ADAMTS2: variants seen among roughly 807,000 people sequenced by gnomAD.
ADAMTS2 encodes the protein A disintegrin and metalloproteinase with thrombospondin motifs 2.
A neutral mutation model predicts 123.0 loss-of-function variants in ADAMTS2; 50 were observed. The observed-to-expected ratio is 0.41, with a 90% CI of 0.32 to 0.51. The LOEUF (loss-of-function observed/expected upper bound fraction) is 0.51. ADAMTS2 is among the 20% of genes least tolerant of loss of function. The probability of loss-of-function intolerance (pLI) is 0.35; values close to 1 mark genes in which losing one functional copy is unlikely to be tolerated. For missense variants in ADAMTS2, 1,494 were observed against 1,705.2 expected, an observed-to-expected ratio of 0.88 and a Z score of 2.18; for synonymous variants, 678 against 695.4, an observed-to-expected ratio of 0.98 and a Z score of 0.39.
intron 3 of ADAMTS2, among the ~76,000 whole-genome samples, chr5:179,222,056 A>G (rs942062606): frequency 6.6e-6 from 1 of 152,012 alleles, no homozygotes; most frequent in Non-Finnish European, 1.5e-5. Context: ...CTGAGCCCAG[A>G]GGCCAGGCCA....
chr5:179,301,832 G>A (rs1756526647), intron 2 of ADAMTS2, among the ~76,000 whole-genome samples: 3 of 152,266 alleles, frequency 2.0e-5, no homozygotes, highest in Admixed American at 2.0e-4. Flanking sequence ...CATCCAGCGT[G>A]TGAAGAAGGA....
chr5:179,199,883 A>C (rs1011743355), intron 4 of ADAMTS2, among the ~76,000 whole-genome samples: 1 of 152,258 alleles, frequency 6.6e-6, no homozygotes, highest in African/African-American at 2.4e-5. Context: ...TTAAAGATGA[A>C]TAAGAAATTC....
At chr5:179,244,870 C>T (rs1036962224) in intron 3 of ADAMTS2, among the ~76,000 whole-genome samples, 1 of 152,128 alleles carries the variant, frequency 6.6e-6, no homozygotes, top group Non-Finnish European at 1.5e-5. Flanking sequence ...ATGTACTCTC[C>T]TCTCTTTTTT....
At position 179,344,621 on chromosome 5, in the gene ADAMTS2, G is replaced by A. The variant is rs57541751; in HGVS notation, c.140-460C>T. On this transcript the variant is annotated intron_variant, in intron 1 of 21. Coordinates refer to ENST00000251582, the MANE Select transcript of ADAMTS2 (RefSeq NM_014244.5). ...TGCCGCCCGAGTGCCCTCACCGCCA[G>A]CCTCCGGAGCGGCGGAGTCTCGGCT... Among the ~76,000 whole-genome samples, 757 of 152,348 alleles carry A rather than the reference G, an allele frequency of 5.0e-3. 3 individuals carry two copies. Among genetic ancestry groups the A allele is most frequent in the African/African-American group, 0.017 (720 of 41,584 alleles).
intron 3 of ADAMTS2, among the ~76,000 whole-genome samples, chr5:179,216,903 A>C (rs567321783): frequency 6.6e-6 from 1 of 152,362 alleles, no homozygotes; most frequent in South Asian, 2.1e-4. Flanking sequence ...GGCACTACTG[A>C]GGGGATCATG....
At chr5:179,209,562 G>GCA (rs1334725355) in intron 3 of ADAMTS2, among the ~76,000 whole-genome samples, 37 of 112,790 alleles carry the variant, frequency 3.3e-4, no homozygotes, top group African/African-American at 1.1e-3. Flanking sequence ...ACACACACAA[G>GCA]CACACACATG....
Position 179,113,928 on chromosome 5 carries a change from T to C in ADAMTS2, c.3575A>G (p.Asn1192Ser), listed in dbSNP as rs2113160848. The C allele has an allele frequency of 1.2e-6, 2 of 1,614,138 alleles. No homozygotes were observed. The highest frequency in any genetic ancestry group is 1.7e-6 in the Non-Finnish European group (2 of 1,180,028). The stretch of plus-strand genomic sequence containing the variant: ...ATCAATGAGCTCTTGGATTCTTTGG[T>C]TTCTGGTCTTTTCATAGGGGCTCGG... ...RRPSPYEKTR[N>S]QRIQELIDEM... The change falls in exon 22 of 22, where the codon AAC (asparagine) becomes AGC (serine). Residue 1192 changes from asparagine (N) to serine (S), a missense_variant. By Grantham distance (46) the Asn-to-Ser change is conservative. Transcript: ENST00000251582.
chr5:179,265,853 C>T (rs1766355075), intron 3 of ADAMTS2, among the ~76,000 whole-genome samples: 1 of 152,250 alleles, frequency 6.6e-6, no homozygotes, highest in African/African-American at 2.4e-5. Context: ...GTTTCACAAT[C>T]AGTGCTTCTC....
At chr5:179,192,916 G>A (rs956966280) in intron 4 of ADAMTS2, among the ~76,000 whole-genome samples, 4 of 152,156 alleles carry the variant, frequency 2.6e-5, no homozygotes, top group African/African-American at 7.2e-5. Flanking sequence ...CAGTACTCCC[G>A]TGTTTCCCCA....
intron 13 of ADAMTS2, among the ~76,000 whole-genome samples, chr5:179,134,033 T>C (rs1763011184): frequency 6.6e-6 from 1 of 152,260 alleles, no homozygotes; most frequent in South Asian, 2.1e-4. Flanking sequence ...TTAATACCCA[T>C]GTCAGGAGTG....
chr5:179,322,936 G>A (rs1757227114), intron 2 of ADAMTS2, among the ~76,000 whole-genome samples: 1 of 152,252 alleles, frequency 6.6e-6, no homozygotes, highest in Non-Finnish European at 1.5e-5. Context: ...TGAGCACGGT[G>A]TGGAAGCAGG....
At chr5:179,335,213 TA>T (rs59150133) in intron 2 of ADAMTS2, among the ~76,000 whole-genome samples, 6,443 of 149,856 alleles carry the variant, frequency 0.043, 142 homozygotes, top group African/African-American at 0.061. Flanking sequence ...GCCATGTTTT[TA>T]AAAAAAAAAG....
Position 179,202,006 on chromosome 5 carries a change from GC to G in ADAMTS2, c.891+5506del, listed in dbSNP as rs1000851328. Among the ~76,000 whole-genome samples the G allele has an allele frequency of 4.6e-5, 7 of 152,152 alleles. 1 individual carries two copies. Among genetic ancestry groups the G allele is most frequent in the African/African-American group, 1.7e-4 (7 of 41,436 alleles). On this transcript the variant is annotated intron_variant, in intron 4 of 21. Coordinates refer to ENST00000251582, the MANE Select transcript of ADAMTS2 (RefSeq NM_014244.5). The surrounding 1 kb of genome is among the most constrained non-coding windows in gnomAD (Gnocchi z 4.0). ...GCCTCATGAAGTGCTCCATTTCCAA[GC>G]CGCTTCCCTTCTGGCAAGTCTGAGA...
rs141280586 is a variant in ADAMTS2 at position 179,245,280 on chromosome 5, C to T, written c.688+27631G>A. Among the ~76,000 whole-genome samples the T allele has an allele frequency of 5.7e-3, 867 of 151,422 alleles. 11 individuals carry two copies. Among genetic ancestry groups the T allele is most frequent in the African/African-American group, 0.02 (830 of 40,704 alleles). On this transcript the variant is annotated intron_variant, in intron 3 of 21. Coordinates refer to ENST00000251582, the MANE Select transcript of ADAMTS2 (RefSeq NM_014244.5). ...AACTGGAAAGGGCAAGGAAACAGATCCTCCCCGGAGGAGGACCCAGAAGGA... is the reference window on the plus strand; with the variant it reads ...AACTGGAAAGGGCAAGGAAACAGATTCTCCCCGGAGGAGGACCCAGAAGGA...
chr5:179,206,805 T>C (rs146237443), intron 4 of ADAMTS2, among the ~76,000 whole-genome samples: 1 of 152,022 alleles, frequency 6.6e-6, no homozygotes, highest in East Asian at 1.9e-4. Context: ...CCTGCTTAGG[T>C]TGTTGGGGGT....
At position 179,181,001 on chromosome 5, in the gene ADAMTS2, C is replaced by T. The variant is rs1764034649; in HGVS notation, c.975+71G>A. 1 of 1,206,630 alleles carries T rather than the reference C, an allele frequency of 8.3e-7. No homozygotes were observed. The highest frequency in any genetic ancestry group is 1.2e-6 in the Non-Finnish European group (1 of 812,964). 74.7% of individuals were successfully genotyped at this position (1,206,630 alleles called of 1,614,324 possible). A position where few individuals can be genotyped will look rare whatever the true frequency, so the allele number is the denominator to read the frequency against. On this transcript the variant is annotated intron_variant, in intron 5 of 21. Transcript: ENST00000251582. The surrounding 1 kb of genome is among the most constrained non-coding windows in gnomAD (Gnocchi z 4.1). ...CAAACGCACACACTCTCCAAGGAGG[C>T]CCATGCCTCACTCCCAGGCCCCTCA...
chr5:179,121,712 G>C lies in ADAMTS2; in HGVS notation c.3127C>G (p.Gln1043Glu). ...TCGGGGTCCGGGCGGGACAGCCACTGAACTACGTAGCTCTTCTTGGAGGGA... is the reference window on the plus strand; with the variant it reads ...TCGGGGTCCGGGCGGGACAGCCACTCAACTACGTAGCTCTTCTTGGAGGGA... The part of the protein sequence containing the change: ...SDPSKKSYVV[Q>E]WLSRPDPDSP... The change falls in exon 21 of 22, where the codon CAG (glutamine) becomes GAG (glutamate). Residue 1043 changes from glutamine to glutamate, a missense_variant. By Grantham distance (29) the Gln-to-Glu change is conservative. This residue lies in a region of ADAMTS2 where 953 missense variants were observed against 1,124.7 expected (regional missense o/e 0.85). Coordinates refer to ENST00000251582, the MANE Select transcript of ADAMTS2 (RefSeq NM_014244.5). The C allele has an allele frequency of 6.3e-7, 1 of 1,594,914 alleles. No homozygotes were observed. Among genetic ancestry groups the C allele is most frequent in the Non-Finnish European group, 8.5e-7 (1 of 1,170,800 alleles).
chr5:179,203,717 T>G (rs1278812100), intron 4 of ADAMTS2, among the ~76,000 whole-genome samples: 1 of 151,816 alleles, frequency 6.6e-6, no homozygotes, highest in African/African-American at 2.4e-5. Context: ...AAGACAAGAG[T>G]TGGTGACAAT....
chr5:179,337,146 G>A (rs1009236463), intron 2 of ADAMTS2, among the ~76,000 whole-genome samples: 9 of 152,148 alleles, frequency 5.9e-5, no homozygotes, highest in Non-Finnish European at 1.0e-4. Flanking sequence ...GCAGCAGAGT[G>A]TGCAGCTCCT....
Sources: gnomAD v4.1 joint callset for allele counts (sites outside exome capture counted in the v4.1 genomes callset) on GRCh38, gnomAD v4.1.1 for gene constraint, gnomAD v4.1.1 regional missense constraint, Gnocchi (gnomAD v3.1) non-coding constraint, MANE v1.5 for transcripts, NCBI Gene and HGNC (gene_info 2026-07-23, HGNC 2026-07-21) for gene names.